The following STX8 variants were observed in gnomAD, a reference collection of about 807,000 sequenced individuals.
STX8 encodes the protein syntaxin-8.
In STX8, 23 loss-of-function variants were observed where a neutral mutation model predicts 37.5. That is an observed-to-expected ratio of 0.61 (90% CI 0.44 to 0.87). The LOEUF is 0.87. Ranked by LOEUF, STX8 falls within the 40% of genes least tolerant of loss-of-function variation. STX8 has a pLI of 0.00. For missense variants in STX8, 313 were observed against 284.7 expected (o/e 1.10, Z -0.71); for synonymous variants, 115 against 99.1 (o/e 1.16, Z -0.95).
In STX8 at chr17:9,296,245, C is replaced by G. The variant is rs185985119; in HGVS notation, c.644-45600G>C. On this transcript the variant is annotated intron_variant, in intron 7 of 7. Coordinates refer to ENST00000306357, the MANE Select transcript of STX8 (RefSeq NM_004853.3). ...CCTGTAATCCCAGCTACTCGGGAGGCTGAGGCAGGAGAATGGCGCGAACCT... is the reference window on the plus strand; with the variant it reads ...CCTGTAATCCCAGCTACTCGGGAGGGTGAGGCAGGAGAATGGCGCGAACCT... 1.9e-3 allele frequency among the ~76,000 whole-genome samples: 286 copies of G among 152,178 alleles called. 1 individual carries two copies. The highest frequency in any genetic ancestry group is 6.6e-3 in the African/African-American group (276 of 41,520).
At chr17:9,528,383 C>T (rs1567598558) in intron 4 of STX8, among the ~76,000 whole-genome samples, 1 of 152,162 alleles carries the variant, frequency 6.6e-6, no homozygotes, top group South Asian at 2.1e-4. Context: ...CAGCAACCTC[C>T]GCCTCCCGAG....
At position 9,250,741 on chromosome 17, in the gene STX8, T is replaced by C. The variant is rs1391080265; in HGVS notation, c.644-96A>G. 2.0e-5 allele frequency: 26 copies of C among 1,278,210 alleles called. No homozygotes were observed. In the Admixed American group the frequency reaches 4.8e-4, roughly 24 times the overall value. The allele number at this position is 1,278,210 out of a possible 1,614,324, so 79.2% of individuals were successfully genotyped here. On this transcript the variant is annotated intron_variant, in intron 7 of 7. Coordinates refer to ENST00000306357, the MANE Select transcript of STX8 (RefSeq NM_004853.3). ...CTGCAGAGACTCAGAGGGATGTAGTTCCCTCTGAGCCTTCAGTTTGTACGA... is the reference window on the plus strand; with the variant it reads ...CTGCAGAGACTCAGAGGGATGTAGTCCCCTCTGAGCCTTCAGTTTGTACGA...
Position 9,471,031 on chromosome 17 carries a change from C to CTTTTTTTTTTTTTTTTTTTTTTTTT in STX8, c.541+20797_541+20798insAAAAAAAAAAAAAAAAAAAAAAAAA, listed in dbSNP as rs757411419. 1.8e-3 allele frequency among the ~76,000 whole-genome samples: 61 copies of CTTTTTTTTTTTTTTTTTTTTTTTTT among 33,054 alleles called. 14 individuals are homozygous for CTTTTTTTTTTTTTTTTTTTTTTTTT. Among genetic ancestry groups the CTTTTTTTTTTTTTTTTTTTTTTTTT allele is most frequent in the South Asian group, 4.1e-3 (2 of 482 alleles). The allele number at this position is 33,054 out of a possible 152,430, so 21.7% of individuals were successfully genotyped here. A position where few individuals can be genotyped will look rare whatever the true frequency, so the allele number is the denominator to read the frequency against. ...TACAGGCGTGAGCCACTGCATCCTG[C>CTTTTTTTTTTTTTTTTTTTTTTTTT]TTTTTTTTTTTTTTTTTTTTTTTGA... On this transcript the variant is annotated intron_variant, in intron 6 of 7. Transcript: ENST00000306357.
chr17:9,384,069 C>A (rs1007967572), intron 6 of STX8, among the ~76,000 whole-genome samples: 3 of 152,080 alleles, frequency 2.0e-5, no homozygotes, highest in Non-Finnish European at 4.4e-5. Flanking sequence ...TTCACATTCC[C>A]ACCTACAGTA....
At chr17:9,269,231 G>A (rs948267385) in intron 7 of STX8, among the ~76,000 whole-genome samples, 1 of 151,884 alleles carries the variant, frequency 6.6e-6, no homozygotes, top group African/African-American at 2.4e-5. Context: ...AGGAGTCACT[G>A]TGGCAGAGTG....
intron 5 of STX8, among the ~76,000 whole-genome samples, chr17:9,492,967 A>G (rs2085578): frequency 1 from 151,882 of 152,240 alleles, 75,764 homozygotes; most frequent in Middle Eastern, 1. Context: ...GCCTGGTGGC[A>G]GACACCTGTA....
At chr17:9,266,009 T>C (rs1285326621) in intron 7 of STX8, among the ~76,000 whole-genome samples, 1 of 152,278 alleles carries the variant, frequency 6.6e-6, no homozygotes, top group Admixed American at 6.5e-5. Context: ...AGTGCTGATA[T>C]GGTCCATAAA....
intron 6 of STX8, among the ~76,000 whole-genome samples, chr17:9,400,409 ATT>A (rs1304977741): frequency 8.9e-6 from 1 of 112,874 alleles, no homozygotes. Context: ...TTATTTATTT[ATT>A]TTTTTTTTTT....
At chr17:9,492,594 T>C (rs1376647967) in intron 5 of STX8, among the ~76,000 whole-genome samples, 2 of 152,228 alleles carry the variant, frequency 1.3e-5, no homozygotes, top group Non-Finnish European at 2.9e-5. Flanking sequence ...CATTTGTTTC[T>C]TGTGCCAGAT....
At chr17:9,451,694 T>C (rs1300489302) in intron 6 of STX8, among the ~76,000 whole-genome samples, 1 of 152,076 alleles carries the variant, frequency 6.6e-6, no homozygotes, top group Non-Finnish European at 1.5e-5. Flanking sequence ...AATACCCAAG[T>C]TGCTAGATTT....
At chr17:9,370,257 G>C (rs966814446) in intron 7 of STX8, among the ~76,000 whole-genome samples, 3 of 152,050 alleles carry the variant, frequency 2.0e-5, no homozygotes, top group African/African-American at 7.2e-5. Flanking sequence ...ATCATAGCTG[G>C]CATTTATAAA....
At chr17:9,307,017 G>A (rs529081897) in intron 7 of STX8, among the ~76,000 whole-genome samples, 8 of 152,096 alleles carry the variant, frequency 5.3e-5, no homozygotes, top group African/African-American at 1.4e-4. Context: ...CCTGCTACTC[G>A]GGAGGCTGAG....
intron 7 of STX8, among the ~76,000 whole-genome samples, chr17:9,255,389 T>G (rs548071837): frequency 7.9e-5 from 12 of 152,116 alleles, no homozygotes; most frequent in African/African-American, 2.9e-4. Flanking sequence ...TAACCGGGCA[T>G]GGTGGTGCAC....
At chr17:9,288,436 T>A (rs966410817) in intron 7 of STX8, among the ~76,000 whole-genome samples, 1 of 151,104 alleles carries the variant, frequency 6.6e-6, no homozygotes, top group Admixed American at 6.6e-5. Flanking sequence ...CCGAGACGGG[T>A]GGATCACGAG....
At chr17:9,362,592 G>C (rs1189076375) in intron 7 of STX8, among the ~76,000 whole-genome samples, 1 of 151,896 alleles carries the variant, frequency 6.6e-6, no homozygotes, top group East Asian at 1.9e-4. Context: ...GCCGAGGTGG[G>C]CGTATCACGA....
intron 7 of STX8, among the ~76,000 whole-genome samples, chr17:9,377,308 T>TA (rs1911631047): frequency 6.6e-6 from 1 of 152,018 alleles, no homozygotes; most frequent in African/African-American, 2.4e-5. Context: ...TAATTCTTTT[T>TA]TTTTTTTAAA....
chr17:9,326,861 A>T (rs1909770047), intron 7 of STX8, among the ~76,000 whole-genome samples: 1 of 152,230 alleles, frequency 6.6e-6, no homozygotes, highest in East Asian at 1.9e-4. Flanking sequence ...AGGAGCCTTC[A>T]AAAATGAAGA....
chr17:9,478,623 T>G (rs1438087528), intron 6 of STX8, among the ~76,000 whole-genome samples: 1 of 152,236 alleles, frequency 6.6e-6, no homozygotes, highest in African/African-American at 2.4e-5. Context: ...CTTATAGTTT[T>G]CAGGGCCTGT....
chr17:9,324,626 G>A (rs141523837), intron 7 of STX8, among the ~76,000 whole-genome samples: 98 of 152,016 alleles, frequency 6.4e-4, no homozygotes, highest in African/African-American at 2.2e-3. Flanking sequence ...TTAGCTGGGC[G>A]TGGTGGCAGG....
Sources: gnomAD v4.1 joint callset for allele counts (sites outside exome capture counted in the v4.1 genomes callset) on GRCh38, gnomAD v4.1.1 for gene constraint, MANE v1.5 for transcripts, NCBI Gene and HGNC (gene_info 2026-07-23, HGNC 2026-07-21) for gene names.